Variants in GNAQ observed in about 807,000 individuals in gnomAD.
The protein encoded by GNAQ is G protein subunit alpha q.
GNAQ carries 8 observed loss-of-function variants against 43.9 expected under a neutral mutation model. That is an observed-to-expected ratio of 0.18 (90% CI 0.11 to 0.33). The LOEUF (loss-of-function observed/expected upper bound fraction) is 0.33, where lower values mean the gene tolerates loss of function less well. Among genes scored for constraint, GNAQ ranks in the 10% least tolerant of loss-of-function variants. GNAQ has a pLI of 1.00. For missense variants in GNAQ, 158 were observed against 450.8 expected (o/e 0.35, Z 5.88); for synonymous variants, 155 against 170.7 (o/e 0.91, Z 0.71).
intron 2 of GNAQ, among the ~76,000 whole-genome samples, chr9:77,860,437 A>G (rs1422490843): frequency 6.6e-6 from 1 of 152,124 alleles, no homozygotes; most frequent in Non-Finnish European, 1.5e-5. Flanking sequence ...TGCTATAAAG[A>G]CTGTGGAATG....
At chr9:77,999,948 C>T (rs1399342215) in intron 1 of GNAQ, among the ~76,000 whole-genome samples, 3 of 152,010 alleles carry the variant, frequency 2.0e-5, no homozygotes, top group Admixed American at 2.0e-4. Flanking sequence ...TTCCTTGAGC[C>T]AAAACAGGTT....
intron 2 of GNAQ, among the ~76,000 whole-genome samples, chr9:77,841,527 T>C (rs1827490374): frequency 1.3e-5 from 2 of 152,234 alleles, no homozygotes; most frequent in Admixed American, 6.5e-5. Context: ...CTTTCAGGAA[T>C]TATATTTTAT....
At chr9:77,837,537 G>C (rs1404830110) in intron 2 of GNAQ, among the ~76,000 whole-genome samples, 6 of 152,036 alleles carry the variant, frequency 3.9e-5, no homozygotes. Context: ...CTGGGTGACA[G>C]AGTGAGACTC....
intron 1 of GNAQ, among the ~76,000 whole-genome samples, chr9:78,025,630 C>T (rs1159253477): frequency 6.6e-6 from 1 of 152,158 alleles, no homozygotes; most frequent in African/African-American, 2.4e-5. Context: ...CAACCCAATA[C>T]AGAGGAAACA....
intron 5 of GNAQ, among the ~76,000 whole-genome samples, chr9:77,792,044 G>GC (rs1441157775): frequency 1.4e-5 from 2 of 146,180 alleles, no homozygotes; most frequent in African/African-American, 4.9e-5. Context: ...AAGGGGTAAT[G>GC]AGACTACATC....
chr9:78,001,698 C>G (rs1048874580), intron 1 of GNAQ, among the ~76,000 whole-genome samples: 16 of 151,836 alleles, frequency 1.1e-4, no homozygotes, highest in African/African-American at 3.9e-4. Context: ...TTACTGAGAC[C>G]CTCTCATGAG....
chr9:77,926,805 A>T (rs978508225), intron 1 of GNAQ, among the ~76,000 whole-genome samples: 1 of 152,178 alleles, frequency 6.6e-6, no homozygotes, highest in African/African-American at 2.4e-5. Flanking sequence ...ATCTCAGCTC[A>T]TCTAAATACC....
At chr9:77,741,334 A>G (rs920392151) in intron 5 of GNAQ, among the ~76,000 whole-genome samples, 6 of 148,474 alleles carry the variant, frequency 4.0e-5, no homozygotes, top group Non-Finnish European at 7.4e-5. Context: ...ATATTTACTT[A>G]TAATTTATGT....
At chr9:77,975,046 G>A (rs1564167705) in intron 1 of GNAQ, among the ~76,000 whole-genome samples, 1 of 152,106 alleles carries the variant, frequency 6.6e-6, no homozygotes, top group Non-Finnish European at 1.5e-5. Flanking sequence ...ATGGCCCTTG[G>A]TGCTCCCTGT....
At chr9:77,793,917 T>C (rs895467327) in intron 5 of GNAQ, among the ~76,000 whole-genome samples, 4 of 152,122 alleles carry the variant, frequency 2.6e-5, no homozygotes. Context: ...CACTGCTTAA[T>C]AGAGACAAAA....
chr9:78,021,343 T>C (rs1823906639), intron 1 of GNAQ, among the ~76,000 whole-genome samples: 2 of 152,270 alleles, frequency 1.3e-5, no homozygotes, highest in Admixed American at 6.5e-5. Flanking sequence ...TTTCTTAAGG[T>C]TTCTCTGATC....
rs138301052 is a variant in GNAQ, at chr9:77,784,746, A to G, written c.735+9717T>C. 5.1e-3 allele frequency among the ~76,000 whole-genome samples: 779 copies of G among 152,344 alleles called. 3 individuals carry two copies. Among genetic ancestry groups the G allele is most frequent in the Middle Eastern group, 0.041 (12 of 294 alleles). On this transcript the variant is annotated intron_variant, in intron 5 of 6. Coordinates refer to ENST00000286548, the MANE Select transcript of GNAQ (RefSeq NM_002072.5). ...AACAACGGACGTGCATCACTGATTT[A>G]TAAAGAATTCCTCTATATTAATAAT...
intron 2 of GNAQ, among the ~76,000 whole-genome samples, chr9:77,917,240 A>T (rs1828922725): frequency 6.6e-6 from 1 of 152,186 alleles, no homozygotes; most frequent in Non-Finnish European, 1.5e-5. Context: ...CTCAGCTGTA[A>T]CTCAAAGACA....
intron 2 of GNAQ, among the ~76,000 whole-genome samples, chr9:77,847,199 T>C (rs140379896): frequency 1.6e-4 from 24 of 152,370 alleles, no homozygotes; most frequent in South Asian, 4.1e-4. Flanking sequence ...TCGCTCAGCC[T>C]TGCAAGGCAG....
intron 5 of GNAQ, among the ~76,000 whole-genome samples, chr9:77,733,030 C>T (rs1301926001): frequency 6.6e-6 from 1 of 152,150 alleles, no homozygotes; most frequent in Admixed American, 6.5e-5. Flanking sequence ...ATGTCAGACT[C>T]GCCTAGACCA....
At chr9:77,804,924 T>C (rs909393127) in intron 3 of GNAQ, among the ~76,000 whole-genome samples, 2 of 152,040 alleles carry the variant, frequency 1.3e-5, no homozygotes, top group African/African-American at 4.8e-5. Flanking sequence ...GGAACAGTCT[T>C]TGGGGAGTTG....
intron 2 of GNAQ, among the ~76,000 whole-genome samples, chr9:77,877,676 T>A (rs943836): frequency 0.8 from 121,601 of 152,140 alleles, 48,928 homozygotes; most frequent in African/African-American, 0.88. Flanking sequence ...TTAAAATAAC[T>A]AATTCATAAG....
intron 2 of GNAQ, among the ~76,000 whole-genome samples, chr9:77,882,565 T>C (rs777141006): frequency 6.6e-6 from 1 of 152,158 alleles, no homozygotes; most frequent in Non-Finnish European, 1.5e-5. Flanking sequence ...TTTAAAGATA[T>C]ACAATGGGAA....
chr9:77,785,938 GATT>G (rs1826469592), intron 5 of GNAQ, among the ~76,000 whole-genome samples: 1 of 152,118 alleles, frequency 6.6e-6, no homozygotes, highest in Non-Finnish European at 1.5e-5. Context: ...TAGATATTAA[GATT>G]ATTGTAACTA....
Sources: gnomAD v4.1 joint callset for allele counts (sites outside exome capture counted in the v4.1 genomes callset) on GRCh38, gnomAD v4.1.1 for gene constraint, MANE v1.5 for transcripts, NCBI Gene and HGNC (gene_info 2026-07-23, HGNC 2026-07-21) for gene names.